The following ODAD2 variants were observed in gnomAD, a reference collection of about 807,000 sequenced individuals.
ODAD2 encodes the protein outer dynein arm docking complex subunit 2, also known as outer dynein arm-docking complex subunit 2.
In ODAD2, 89 loss-of-function variants were observed where a neutral mutation model predicts 106.8. The observed-to-expected ratio is 0.83, with a 90% CI of 0.70 to 0.99. The LOEUF (loss-of-function observed/expected upper bound fraction) is 0.99. ODAD2 is among the 50% of genes least tolerant of loss of function. ODAD2 has a pLI of 0.00. For missense variants in ODAD2, 1,168 were observed against 1,238.5 expected, an observed-to-expected ratio of 0.94 and a Z score of 0.85; for synonymous variants, 404 against 436.2, an observed-to-expected ratio of 0.93 and a Z score of 0.92.
intron 7 of ODAD2, among the ~76,000 whole-genome samples, chr10:27,972,990 G>A (rs1848954794): frequency 6.6e-6 from 1 of 151,890 alleles, no homozygotes; most frequent in Non-Finnish European, 1.5e-5. Context: ...CACCAAAATA[G>A]ATCATATACT....
intron 17 of ODAD2, among the ~76,000 whole-genome samples, chr10:27,903,059 T>G (rs1033703055): frequency 3.9e-5 from 6 of 152,200 alleles, no homozygotes; most frequent in Non-Finnish European, 5.9e-5. Context: ...AATAAAATAC[T>G]GGCAAACCGA....
At chr10:27,816,533 A>G (rs909129666) in intron 19 of ODAD2, among the ~76,000 whole-genome samples, 4 of 152,182 alleles carry the variant, frequency 2.6e-5, no homozygotes, top group African/African-American at 9.7e-5. Flanking sequence ...ACAGGAGGCT[A>G]CTGATCACTG....
At chr10:27,980,090 C>T (rs1484585210) in intron 7 of ODAD2, among the ~76,000 whole-genome samples, 1 of 152,124 alleles carries the variant, frequency 6.6e-6, no homozygotes, top group Admixed American at 6.5e-5. Context: ...AGGACAATCT[C>T]TTCAACAAAT....
chr10:27,925,550 G>C (rs1845196933), intron 16 of ODAD2, among the ~76,000 whole-genome samples: 1 of 152,086 alleles, frequency 6.6e-6, no homozygotes, highest in Non-Finnish European at 1.5e-5. Flanking sequence ...TAGAGACAGG[G>C]CCTCATTACG....
At chr10:27,884,723 C>A (rs965983642) in intron 17 of ODAD2, among the ~76,000 whole-genome samples, 15 of 152,104 alleles carry the variant, frequency 9.9e-5, no homozygotes, top group African/African-American at 3.6e-4. Flanking sequence ...AGATTACAGG[C>A]ACAGAAGTAC....
At chr10:27,963,883 C>T (rs1479337289) in intron 9 of ODAD2, among the ~76,000 whole-genome samples, 1 of 152,088 alleles carries the variant, frequency 6.6e-6, no homozygotes. Flanking sequence ...ATTCTCTCAA[C>T]AATCTATGAG....
At chr10:27,994,305 C>G (rs1258422053) in intron 2 of ODAD2, among the ~76,000 whole-genome samples, 2 of 152,050 alleles carry the variant, frequency 1.3e-5, no homozygotes, top group African/African-American at 4.8e-5. Flanking sequence ...CCTCCTGCTT[C>G]TAGCCCAGGA....
chr10:27,965,794 T>A (rs114719046), intron 9 of ODAD2, among the ~76,000 whole-genome samples: 1 of 152,298 alleles, frequency 6.6e-6, no homozygotes, highest in African/African-American at 2.4e-5. Flanking sequence ...AAAAATTGAA[T>A]TAGTGGAATC....
At chr10:27,969,921 C>CA (rs1848727257) in intron 8 of ODAD2, among the ~76,000 whole-genome samples, 1 of 152,062 alleles carries the variant, frequency 6.6e-6, no homozygotes, top group Non-Finnish European at 1.5e-5. Context: ...GCCTGGCCAA[C>CA]ATGGCAAAAC....
intron 19 of ODAD2, among the ~76,000 whole-genome samples, chr10:27,853,625 T>C (rs922184997): frequency 6.6e-6 from 1 of 152,204 alleles, no homozygotes; most frequent in Non-Finnish European, 1.5e-5. Context: ...TGAGCCACTC[T>C]GCCTGGTCCA....
chr10:27,965,238 C>A (rs948227550), intron 9 of ODAD2, among the ~76,000 whole-genome samples: 6 of 152,156 alleles, frequency 3.9e-5, no homozygotes, highest in African/African-American at 1.2e-4. Context: ...GAGGTCTAAT[C>A]TGAAGAGTAA....
chr10:27,882,354 C>A (rs1199032072), intron 17 of ODAD2, among the ~76,000 whole-genome samples: 2 of 151,714 alleles, frequency 1.3e-5, no homozygotes, highest in Non-Finnish European at 2.9e-5. Context: ...TAGAGGATTA[C>A]CTATCTGGAT....
chr10:27,963,499 T>C (rs182730821), intron 9 of ODAD2, among the ~76,000 whole-genome samples: 1 of 152,282 alleles, frequency 6.6e-6, no homozygotes, highest in Admixed American at 6.5e-5. Flanking sequence ...TCCTTAAATA[T>C]CAAAGTCACA....
At chr10:27,823,523 A>G (rs1836776652) in intron 19 of ODAD2, among the ~76,000 whole-genome samples, 1 of 152,176 alleles carries the variant, frequency 6.6e-6, no homozygotes, top group South Asian at 2.1e-4. Flanking sequence ...TAAAATTAGG[A>G]TTTTTAATAG....
At chr10:27,858,526 C>A (rs980549235) in intron 19 of ODAD2, among the ~76,000 whole-genome samples, 11 of 152,158 alleles carry the variant, frequency 7.2e-5, no homozygotes, top group African/African-American at 2.7e-4. Context: ...GGCTCTAGAA[C>A]ACAACAGACA....
intron 16 of ODAD2, among the ~76,000 whole-genome samples, chr10:27,933,962 GA>G (rs1845783109): frequency 6.6e-6 from 1 of 152,154 alleles, no homozygotes; most frequent in Non-Finnish European, 1.5e-5. Flanking sequence ...ATCTTATCCT[GA>G]ATTCCCACGT....
intron 17 of ODAD2, among the ~76,000 whole-genome samples, chr10:27,872,364 T>C (rs1161372917): frequency 6.6e-6 from 1 of 151,880 alleles, no homozygotes; most frequent in African/African-American, 2.4e-5. Flanking sequence ...TCCTGCCTGA[T>C]TGCCCTGGCC....
At chr10:27,925,706 T>C (rs1845206557) in intron 16 of ODAD2, among the ~76,000 whole-genome samples, 2 of 152,070 alleles carry the variant, frequency 1.3e-5, no homozygotes. Flanking sequence ...TATGATAAAA[T>C]ACATACACTT....
intron 17 of ODAD2, among the ~76,000 whole-genome samples, chr10:27,888,666 T>C (rs1331881489): frequency 2.6e-5 from 4 of 152,158 alleles, no homozygotes; most frequent in African/African-American, 4.8e-5. Flanking sequence ...CTTTTTAATT[T>C]AATTAATTCT....
Sources: allele counts gnomAD v4.1 joint callset (sites outside exome capture counted in the v4.1 genomes callset), GRCh38; gene constraint gnomAD v4.1.1; transcripts MANE v1.5; gene names NCBI Gene and HGNC (gene_info 2026-07-23, HGNC 2026-07-21).